PTPRD: variants seen among roughly 807,000 people sequenced by gnomAD.
PTPRD encodes the protein receptor-type tyrosine-protein phosphatase delta.
A neutral mutation model predicts 214.5 loss-of-function variants in PTPRD; 34 were observed. The ratio of observed to expected loss-of-function variants is 0.16; its 90% CI spans 0.12 to 0.21. The LOEUF (loss-of-function observed/expected upper bound fraction) is 0.21. Among genes scored for constraint, PTPRD ranks in the 10% least tolerant of loss-of-function variants. The pLI, the probability that PTPRD is intolerant of heterozygous loss-of-function variation, is 1.00. For missense variants in PTPRD, 2,545 were observed against 2,398.7 expected (o/e 1.06, Z -1.27); for synonymous variants, 1,128 against 845.7 (o/e 1.33, Z -5.79).
chr9:10,034,753 T>C lies in PTPRD; in HGVS notation c.-544-963A>G, dbSNP rs116810789. ...ATCCAACAAAGTCCTGCACAGGAAATGATTTTGTTCTTTTTTATGGCTGCA... is the reference window on the plus strand; with the variant it reads ...ATCCAACAAAGTCCTGCACAGGAAACGATTTTGTTCTTTTTTATGGCTGCA... On this transcript the variant is annotated intron_variant, in intron 3 of 45. Coordinates refer to ENST00000381196, the MANE Select transcript of PTPRD (RefSeq NM_002839.4). 5.3e-3 allele frequency among the ~76,000 whole-genome samples: 800 copies of C among 152,252 alleles called. 9 individuals carry two copies. Among genetic ancestry groups the C allele is most frequent in the African/African-American group, 0.018 (737 of 41,562 alleles).
chr9:9,096,686 A>AATC (rs1250348900), intron 10 of PTPRD, among the ~76,000 whole-genome samples: 1 of 152,230 alleles, frequency 6.6e-6, no homozygotes, highest in Non-Finnish European at 1.5e-5. Context: ...GATACAGATT[A>AATC]ATCACAATAG....
chr9:10,002,740 A>G (rs1438890359), intron 4 of PTPRD, among the ~76,000 whole-genome samples: 1 of 151,452 alleles, frequency 6.6e-6, no homozygotes, highest in East Asian at 1.9e-4. Context: ...AACAATATGT[A>G]GGTACTGTCA....
intron 5 of PTPRD, among the ~76,000 whole-genome samples, chr9:9,885,214 T>C (rs1001925516): frequency 7.9e-5 from 12 of 151,992 alleles, no homozygotes; most frequent in Non-Finnish European, 7.4e-5. Flanking sequence ...GAAGTATTAA[T>C]ATATTGAATA....
intron 3 of PTPRD, among the ~76,000 whole-genome samples, chr9:10,264,979 T>C (rs2093957379): frequency 6.6e-6 from 1 of 152,178 alleles, no homozygotes; most frequent in Admixed American, 6.5e-5. Context: ...TTTCATTCTC[T>C]CTTGCCTGAC....
At position 9,636,377 on chromosome 9, in the gene PTPRD, C is replaced by T. The variant is rs577604636; in HGVS notation, c.-286-61596G>A. ...CATTTTGGTTGATTTTCAACATCCACATAATATTAGATAATTACTTTAGAT... is the reference window on the plus strand; with the variant it reads ...CATTTTGGTTGATTTTCAACATCCATATAATATTAGATAATTACTTTAGAT... On this transcript the variant is annotated intron_variant, in intron 7 of 45. Coordinates refer to ENST00000381196, the MANE Select transcript of PTPRD (RefSeq NM_002839.4). Among the ~76,000 whole-genome samples, 23 of 152,308 alleles carry T rather than the reference C, an allele frequency of 1.5e-4. No homozygotes were observed. The South Asian group carries it at 3.9e-3, about 26-fold the overall frequency.
chr9:9,262,427 T>G (rs2099980546), intron 9 of PTPRD, among the ~76,000 whole-genome samples: 1 of 151,508 alleles, frequency 6.6e-6, no homozygotes, highest in African/African-American at 2.4e-5. Context: ...GTGTTTATTT[T>G]ATTTTACTTA....
intron 11 of PTPRD, among the ~76,000 whole-genome samples, chr9:8,926,577 A>C (rs1363235344): frequency 6.6e-6 from 1 of 152,136 alleles, no homozygotes; most frequent in Non-Finnish European, 1.5e-5. Context: ...TGTTCACTGA[A>C]TGGTTTAAAG....
intron 3 of PTPRD, among the ~76,000 whole-genome samples, chr9:10,208,601 A>T (rs2099498414): frequency 6.6e-6 from 1 of 152,230 alleles, no homozygotes; most frequent in Admixed American, 6.5e-5. Flanking sequence ...TTTTATCCAG[A>T]AGTTATTTCA....
At chr9:10,242,858 T>C (rs1011051606) in intron 3 of PTPRD, among the ~76,000 whole-genome samples, 1 of 151,318 alleles carries the variant, frequency 6.6e-6, no homozygotes, top group African/African-American at 2.4e-5. Context: ...AGAAATTTGA[T>C]GTAACGTATC....
intron 3 of PTPRD, among the ~76,000 whole-genome samples, chr9:10,102,894 T>C (rs189527007): frequency 1.7e-3 from 257 of 151,866 alleles, no homozygotes; most frequent in African/African-American, 5.8e-3. Flanking sequence ...TTTCTGATAA[T>C]TTTCCCAATG....
chr9:9,595,305 T>G lies in PTPRD; in HGVS notation c.-286-20524A>C, dbSNP rs999364103. Among the ~76,000 whole-genome samples the G allele has an allele frequency of 5.3e-4, 41 of 77,296 alleles. No individual in the cohort carries two copies. The Middle Eastern group carries it at 0.023, about 44-fold the overall frequency. 50.7% of individuals were successfully genotyped at this position (77,296 alleles called of 152,430 possible). ...TATATATATTATATATATATATATA[T>G]ATATATTATATATATTTTATATATA... On this transcript the variant is annotated intron_variant, in intron 7 of 45. Coordinates refer to ENST00000381196, the MANE Select transcript of PTPRD (RefSeq NM_002839.4).
At chr9:9,768,883 A>T (rs1472241851) in intron 5 of PTPRD, among the ~76,000 whole-genome samples, 1 of 152,210 alleles carries the variant, frequency 6.6e-6, no homozygotes, top group East Asian at 1.9e-4. Context: ...GTAAACAGAC[A>T]AACTTCAGTT....
chr9:9,173,590 T>TACAG (rs1185901757), intron 10 of PTPRD, among the ~76,000 whole-genome samples: 1 of 152,160 alleles, frequency 6.6e-6, no homozygotes, highest in Non-Finnish European at 1.5e-5. Flanking sequence ...AACAAACCTG[T>TACAG]ACAGCATGCT....
intron 10 of PTPRD, among the ~76,000 whole-genome samples, chr9:9,180,641 A>C (rs1241230876): frequency 6.6e-6 from 1 of 152,140 alleles, no homozygotes; most frequent in Non-Finnish European, 1.5e-5. Flanking sequence ...AGATGGCTAC[A>C]TTCAGGACTG....
chr9:9,256,012 C>T (rs1482892696), intron 9 of PTPRD, among the ~76,000 whole-genome samples: 1 of 151,904 alleles, frequency 6.6e-6, no homozygotes, highest in Non-Finnish European at 1.5e-5. Flanking sequence ...ACACCTTTTC[C>T]CCAGATAAAA....
At chr9:8,801,798 T>C (rs2096576937) in intron 11 of PTPRD, among the ~76,000 whole-genome samples, 2 of 152,232 alleles carry the variant, frequency 1.3e-5, no homozygotes, top group African/African-American at 4.8e-5. Context: ...GTTACTTCTT[T>C]CACTGTGTGC....
chr9:9,410,922 G>A (rs72702528), intron 8 of PTPRD, among the ~76,000 whole-genome samples: 2 of 152,240 alleles, frequency 1.3e-5, no homozygotes, highest in East Asian at 3.9e-4. Context: ...ACTGGGTGAT[G>A]TTCAGTGACC....
At chr9:8,660,673 C>T (rs1476475495) in intron 12 of PTPRD, among the ~76,000 whole-genome samples, 1 of 152,126 alleles carries the variant, frequency 6.6e-6, no homozygotes, top group Non-Finnish European at 1.5e-5. Context: ...CTTTCTTCTG[C>T]AATGACTTCA....
intron 11 of PTPRD, among the ~76,000 whole-genome samples, chr9:8,896,505 T>C (rs1388807835): frequency 6.6e-6 from 1 of 152,174 alleles, no homozygotes. Context: ...GAAATTTCAT[T>C]ATAAAGAATC....
Sources: allele counts gnomAD v4.1 joint callset (sites outside exome capture counted in the v4.1 genomes callset), GRCh38; gene constraint gnomAD v4.1.1; transcripts MANE v1.5; gene names NCBI Gene and HGNC (gene_info 2026-07-23, HGNC 2026-07-21).